SSC5D: variants seen among roughly 807,000 people sequenced by gnomAD.
SSC5D encodes the protein soluble scavenger receptor cysteine-rich domain-containing protein SSC5D.
In SSC5D, 106 loss-of-function variants were observed where a neutral mutation model predicts 104.6. The ratio of observed to expected loss-of-function variants is 1.01; its 90% CI spans 0.87 to 1.19. The LOEUF (loss-of-function observed/expected upper bound fraction) is 1.19, where lower values mean the gene tolerates loss of function less well. SSC5D is among the 50% of genes most tolerant of loss of function. The pLI is 0.00. For missense variants in SSC5D, 1,993 were observed against 2,153.8 expected (o/e 0.93, Z 1.48); for synonymous variants, 860 against 883.5 (o/e 0.97, Z 0.47).
intron 8 of SSC5D, among the ~76,000 whole-genome samples, chr19:55,495,341 G>A (rs1490819379): frequency 7.1e-6 from 1 of 140,044 alleles, no homozygotes; most frequent in Non-Finnish European, 1.5e-5. Flanking sequence ...CTCTCAACCT[G>A]CAGGCTCAAG....
At chr19:55,489,082 C>A in intron 2 of SSC5D, 50 bp downstream of exon 2, 3 of 1,041,838 alleles carry the variant, frequency 2.9e-6, no homozygotes, top group Non-Finnish European at 3.9e-6. Context: ...CCAGGCCTCC[C>A]CCTTCTGCCC....
At chr19:55,513,976 A>G (rs989288494) in intron 13 of SSC5D, among the ~76,000 whole-genome samples, 9 of 152,244 alleles carry the variant, frequency 5.9e-5, no homozygotes, top group African/African-American at 1.9e-4. Flanking sequence ...CAGAAAATAC[A>G]AATTAAAACA....
chr19:55,516,419 C>T (rs1010218005), intron 13 of SSC5D, among the ~76,000 whole-genome samples: 1 of 151,986 alleles, frequency 6.6e-6, no homozygotes, highest in African/African-American at 2.4e-5. Context: ...ATGGTGTGAA[C>T]CCGGGAGGCG....
intron 7 of SSC5D, 100 bp from the exon 8 acceptor site, chr19:55,494,510 C>A: frequency 1.6e-6 from 2 of 1,283,172 alleles, no homozygotes; most frequent in Non-Finnish European, 1.0e-6. Flanking sequence ...TCTCTGCGTG[C>A]AGCTGAGAGG....
rs869296361 is a variant in SSC5D at position 55,506,373 on chromosome 19, A to ATTTTTTTTTTT, written c.2785+5201_2785+5211dup. 2.8e-5 allele frequency among the ~76,000 whole-genome samples: 2 copies of ATTTTTTTTTTT among 72,062 alleles called. 1 individual carries two copies. The highest frequency in any genetic ancestry group is 1.1e-4 in the African/African-American group (2 of 18,032). 47.3% of individuals were successfully genotyped at this position (72,062 alleles called of 152,430 possible). ...GAGATTGGAGGCCTGTGGAATTTGGATTTTTTTTTTTTTTTTTTTTTTTTT... is the reference window on the plus strand; with the variant it reads ...GAGATTGGAGGCCTGTGGAATTTGGATTTTTTTTTTTTTTTTTTTTTTTTTTTTTTTTTTTT... On this transcript the variant is annotated intron_variant, in intron 12 of 13. Transcript: ENST00000389623.
In SSC5D at chr19:55,509,313, C is replaced by T. The variant is rs904955445; in HGVS notation, c.2786-3698C>T. 3.3e-5 allele frequency among the ~76,000 whole-genome samples: 5 copies of T among 152,258 alleles called. No homozygotes were observed. In the East Asian group the frequency reaches 5.8e-4, roughly 18 times the overall value. On this transcript the variant is annotated intron_variant, in intron 12 of 13. Coordinates refer to ENST00000389623, the MANE Select transcript of SSC5D (RefSeq NM_001144950.2). ...CCCCATGCACTTAGTGGGGCAGGTT[C>T]GCAGTATCTAAGGAGATACATCTGC...
chr19:55,489,114 C>A (rs1987051726), intron 2 of SSC5D, 82 bp downstream of exon 2: 2 of 995,606 alleles, frequency 2.0e-6, no homozygotes, highest in South Asian at 1.9e-5. Context: ...GCCTCACCCC[C>A]ACTGGGTCCC....
Position 55,500,134 on chromosome 19 carries a change from G to A in SSC5D, c.2024G>A (p.Arg675Lys), listed in dbSNP as rs1987440718. The change falls in exon 10 of 14, where the codon AGA (arginine) becomes AAA (lysine). Residue 675 changes from arginine to lysine, a missense_variant. By Grantham distance (26) the Arg-to-Lys change is conservative (BLOSUM62 2). Around this residue, in one of 6 missense-constraint regions of SSC5D, gnomAD observed 1,101 missense variants for 1,085.0 expected, o/e 1.01. Coordinates refer to ENST00000389623, the MANE Select transcript of SSC5D (RefSeq NM_001144950.2). The surrounding 1 kb of genome is among the most constrained non-coding windows in gnomAD (Gnocchi z 4.6). Reference sequence around the variant, plus strand: ...GCACTGACCACTGAGGCCTCCCGAAGACCTACCTCTGAGTTTACCAGAAGG... The same window carrying A: ...GCACTGACCACTGAGGCCTCCCGAAAACCTACCTCTGAGTTTACCAGAAGG... ...TAALTTEASR[R>K]PTSEFTRRPT... 2 of 1,551,386 alleles carry A rather than the reference G, an allele frequency of 1.3e-6. No individual in the cohort carries two copies. Among genetic ancestry groups the A allele is most frequent in the Non-Finnish European group, 1.7e-6 (2 of 1,146,928 alleles).
Position 55,493,761 on chromosome 19 carries a change from C to CG in SSC5D, c.1067dup (p.Ala357ArgfsTer36). On this transcript the variant is annotated frameshift_variant, in exon 7 of 14. Transcript: ENST00000389623. LOFTEE classifies it high-confidence loss of function. Reference sequence around the variant, plus strand: ...GCTGCGGAGGGGCGCTGGCCGCCCCCGGGGGCGCCTTCTTTGGGGAGGGGT... The same window carrying CG: ...GCTGCGGAGGGGCGCTGGCCGCCCCCGGGGGGCGCCTTCTTTGGGGAGGGGT... 1 of 1,528,456 alleles carries CG rather than the reference C, an allele frequency of 6.5e-7. No homozygotes were observed. Among genetic ancestry groups the CG allele is most frequent in the East Asian group, 2.5e-5 (1 of 39,882 alleles). 94.7% of individuals were successfully genotyped at this position (1,528,456 alleles called of 1,614,324 possible). A position where few individuals can be genotyped will look rare whatever the true frequency, so the allele number is the denominator to read the frequency against.
At chr19:55,502,092 GCTCA>G (rs1401017435) in intron 12 of SSC5D, among the ~76,000 whole-genome samples, 4 of 152,028 alleles carry the variant, frequency 2.6e-5, no homozygotes, top group Non-Finnish European at 5.9e-5. Flanking sequence ...GTAGAGACGG[GCTCA>G]CTATGTTGCC....
chr19:55,512,562 A>G (rs1325591920), intron 12 of SSC5D, among the ~76,000 whole-genome samples: 1 of 151,244 alleles, frequency 6.6e-6, no homozygotes, highest in East Asian at 2.0e-4. Context: ...GCTCACTGCA[A>G]CCTCTGTCTC....
chr19:55,489,763 G>A (rs1987079403), intron 3 of SSC5D, 101 bp downstream of exon 3: 1 of 1,496,300 alleles, frequency 6.7e-7, no homozygotes, highest in East Asian at 2.5e-5. Context: ...CAGCAGTTCA[G>A]AGACACCCAA....
At chr19:55,493,968 G>C in intron 7 of SSC5D, 56 bp downstream of exon 7, 1 of 516,014 alleles carries the variant, frequency 1.9e-6, no homozygotes, top group South Asian at 2.2e-5. Context: ...TTGGAGCGGA[G>C]GGGCAAGTTC....
At chr19:55,498,224 C>T in intron 9 of SSC5D, 27 bp downstream of exon 9, 15 of 1,549,592 alleles carry the variant, frequency 9.7e-6, no homozygotes, top group Non-Finnish European at 1.3e-5. Flanking sequence ...TATCTGTTGA[C>T]TCCAGGAGGG....
In SSC5D at chr19:55,503,777, C is replaced by G. The variant is rs569595044; in HGVS notation, c.2785+2576C>G. Among the ~76,000 whole-genome samples, 1 of 152,320 alleles carries G rather than the reference C, an allele frequency of 6.6e-6. No individual in the cohort carries two copies. Among genetic ancestry groups the G allele is most frequent in the South Asian group, 2.1e-4 (1 of 4,830 alleles). ...GCCCTCCTGAGAGGCCCAAGCCTCC[C>G]GCTCCCGCAGGAGAGTCTCGCCGCA... On this transcript the variant is annotated intron_variant, in intron 12 of 13. Transcript: ENST00000389623. This position sits in a 1 kb window ranked among gnomAD's most constrained non-coding sequence, Gnocchi z 4.0.
intron 12 of SSC5D, among the ~76,000 whole-genome samples, chr19:55,510,901 C>T (rs975001042): frequency 1.3e-5 from 2 of 152,080 alleles, no homozygotes; most frequent in South Asian, 4.1e-4. Flanking sequence ...GCCTCAGCCT[C>T]CTGAGTAGCT....
intron 7 of SSC5D, 144 bp from the exon 8 acceptor site, chr19:55,494,466 G>A: frequency 2.2e-6 from 2 of 893,720 alleles, no homozygotes; most frequent in South Asian, 3.8e-5. Flanking sequence ...GAAAGCGTGG[G>A]CTGTGTCTAG....
At chr19:55,512,654 T>C (rs1370881228) in intron 12 of SSC5D, among the ~76,000 whole-genome samples, 1 of 152,012 alleles carries the variant, frequency 6.6e-6, no homozygotes, top group Non-Finnish European at 1.5e-5. Flanking sequence ...GCTAATTTTT[T>C]GTATATTTAG....
chr19:55,501,306 C>T (rs898845723), intron 12 of SSC5D, 105 bp downstream of exon 12: 9 of 1,345,752 alleles, frequency 6.7e-6, no homozygotes, highest in South Asian at 3.1e-5. Flanking sequence ...GCTGAGGCCT[C>T]GGGGCACCCT....
Sources: gnomAD v4.1 joint callset for allele counts (sites outside exome capture counted in the v4.1 genomes callset) on GRCh38, gnomAD v4.1.1 for gene constraint, gnomAD v4.1.1 regional missense constraint, Gnocchi (gnomAD v3.1) non-coding constraint, MANE v1.5 for transcripts, NCBI Gene and HGNC (gene_info 2026-07-23, HGNC 2026-07-21) for gene names.